Variants in RTN4RL1 observed in about 807,000 individuals in gnomAD.
RTN4RL1 encodes the protein reticulon 4 receptor like 1.
In RTN4RL1, 7 loss-of-function variants were observed where a neutral mutation model predicts 25.6. That is an observed-to-expected ratio of 0.27 (90% CI 0.16 to 0.51). The LOEUF (loss-of-function observed/expected upper bound fraction) is 0.51. Ranked by LOEUF, RTN4RL1 falls within the 20% of genes least tolerant of loss-of-function variation. RTN4RL1 has a pLI of 0.97. For missense variants in RTN4RL1, 500 were observed against 615.6 expected (o/e 0.81, Z 1.99); for synonymous variants, 297 against 288.2 (o/e 1.03, Z -0.31).
chr17:2,009,217 T>TG (rs2067025180), intron 1 of RTN4RL1, among the ~76,000 whole-genome samples: 1 of 152,148 alleles, frequency 6.6e-6, no homozygotes, highest in South Asian at 2.1e-4. Context: ...CCCAGCACTT[T>TG]GGGAGGCCGA....
At chr17:1,949,019 T>C (rs1241003120) in intron 1 of RTN4RL1, among the ~76,000 whole-genome samples, 2 of 151,114 alleles carry the variant, frequency 1.3e-5, no homozygotes, top group Non-Finnish European at 3.0e-5. Context: ...TGCAGTGGCA[T>C]GATCTCGGCT....
intron 1 of RTN4RL1, among the ~76,000 whole-genome samples, chr17:1,975,948 T>G (rs2066841035): frequency 6.6e-6 from 1 of 152,218 alleles, no homozygotes; most frequent in African/African-American, 2.4e-5. Context: ...TACAAATACT[T>G]GGGAGCCGTG....
chr17:1,974,984 C>T (rs2066836669), intron 1 of RTN4RL1, among the ~76,000 whole-genome samples: 1 of 152,184 alleles, frequency 6.6e-6, no homozygotes, highest in Non-Finnish European at 1.5e-5. Flanking sequence ...AGCATTTAGC[C>T]CTTCCACTAC....
At chr17:1,978,795 T>C (rs1433849824) in intron 1 of RTN4RL1, among the ~76,000 whole-genome samples, 3 of 152,210 alleles carry the variant, frequency 2.0e-5, no homozygotes, top group Admixed American at 6.5e-5. Flanking sequence ...CCAGAGTTGC[T>C]GCAGAGAATC....
At chr17:2,005,949 G>A (rs1255365349) in intron 1 of RTN4RL1, among the ~76,000 whole-genome samples, 3 of 149,634 alleles carry the variant, frequency 2.0e-5, no homozygotes, top group South Asian at 2.1e-4. Flanking sequence ...GGTGCATGCC[G>A]CCACGCCCGC....
intron 1 of RTN4RL1, among the ~76,000 whole-genome samples, chr17:1,971,076 G>A (rs901238008): frequency 6.6e-6 from 1 of 152,216 alleles, no homozygotes; most frequent in East Asian, 1.9e-4. Flanking sequence ...ATGCTACTCA[G>A]TATGGTTTGG....
intron 1 of RTN4RL1, among the ~76,000 whole-genome samples, chr17:1,973,188 C>T (rs1382353723): frequency 1.3e-5 from 2 of 151,878 alleles, no homozygotes; most frequent in Admixed American, 6.6e-5. Context: ...CATGGCAAAA[C>T]CCCGTCTCTA....
In RTN4RL1 at chr17:1,937,303, G is replaced by A. The variant is rs372722789; in HGVS notation, c.519C>T (p.Val173=). 5.6e-6 allele frequency: 9 copies of A among 1,613,218 alleles called. No individual in the cohort carries two copies. In the African/African-American group the frequency reaches 1.2e-4, roughly 22 times the overall value. Residue 173 remains valine, a synonymous_variant, in exon 2 of 2, where the codon GTC becomes GTT. Coordinates refer to ENST00000331238, the MANE Select transcript of RTN4RL1 (RefSeq NM_178568.4). ...CGTGGAGAAACAGGTGGCTGAGGTT[G>A]ACCAGGTCCACGAAGATGTCGTCCT... ...YLQDDIFVDL[V]NLSHLFLHGN...
chr17:2,024,986 G>C lies in RTN4RL1; in HGVS notation c.-121C>G. The C allele has an allele frequency of 1.8e-6, 2 of 1,111,824 alleles. No homozygotes were observed. Among genetic ancestry groups the C allele is most frequent in the Non-Finnish European group, 2.6e-6 (2 of 780,006 alleles). The allele number at this position is 1,111,824 out of a possible 1,614,324, so 68.9% of individuals were successfully genotyped here. Reference sequence around the variant, plus strand: ...GCGCGTCGAGGCGGGGGCAAGCCGGGGATCCGCTCGTGCCCGGTGGCCCGG... The same window carrying C: ...GCGCGTCGAGGCGGGGGCAAGCCGGCGATCCGCTCGTGCCCGGTGGCCCGG... On this transcript the variant is annotated 5_prime_UTR_variant, in exon 1 of 2. Coordinates refer to ENST00000331238, the MANE Select transcript of RTN4RL1 (RefSeq NM_178568.4).
chr17:1,959,183 G>A (rs529826341), intron 1 of RTN4RL1, among the ~76,000 whole-genome samples: 1 of 152,354 alleles, frequency 6.6e-6, no homozygotes, highest in South Asian at 2.1e-4. Context: ...ACTCTGGGCA[G>A]TCTATGGCAC....
At chr17:1,986,058 A>G (rs2066885993) in intron 1 of RTN4RL1, among the ~76,000 whole-genome samples, 1 of 152,054 alleles carries the variant, frequency 6.6e-6, no homozygotes, top group Non-Finnish European at 1.5e-5. Flanking sequence ...CAAGACACGA[A>G]CCACCTCTCT....
At chr17:1,980,598 T>A (rs1373980021) in intron 1 of RTN4RL1, among the ~76,000 whole-genome samples, 1 of 152,040 alleles carries the variant, frequency 6.6e-6, no homozygotes, top group Non-Finnish European at 1.5e-5. Flanking sequence ...ATATTACTTT[T>A]ATAGTAAAAA....
At chr17:1,948,563 AGACACAGGCAGACAGGCG>A (rs1487484908) in intron 1 of RTN4RL1, among the ~76,000 whole-genome samples, 1 of 152,166 alleles carries the variant, frequency 6.6e-6, no homozygotes, top group African/African-American at 2.4e-5. Flanking sequence ...GCAGACAGGC[AGACACAGGCAGACAGGCG>A]GACACAGGCG....
chr17:1,983,207 G>A (rs986696933), intron 1 of RTN4RL1, among the ~76,000 whole-genome samples: 3 of 151,992 alleles, frequency 2.0e-5, no homozygotes, highest in South Asian at 2.1e-4. Context: ...CACCACACCC[G>A]GCTAATTTTT....
intron 1 of RTN4RL1, among the ~76,000 whole-genome samples, chr17:1,939,140 C>A (rs1280099065): frequency 6.6e-6 from 1 of 151,966 alleles, no homozygotes; most frequent in Admixed American, 6.6e-5. Flanking sequence ...ATCACGAGGT[C>A]AGGAGATCGA....
chr17:2,011,553 G>A (rs888680622), intron 1 of RTN4RL1, among the ~76,000 whole-genome samples: 2 of 152,196 alleles, frequency 1.3e-5, no homozygotes, highest in Non-Finnish European at 2.9e-5. Flanking sequence ...AGGAGCTGGC[G>A]GGGTGGAGGG....
At chr17:1,997,181 G>A (rs550727076) in intron 1 of RTN4RL1, among the ~76,000 whole-genome samples, 47 of 152,266 alleles carry the variant, frequency 3.1e-4, no homozygotes, top group African/African-American at 1.0e-3. Flanking sequence ...CTCCTCCGTG[G>A]CCCACGAGAC....
intron 1 of RTN4RL1, among the ~76,000 whole-genome samples, chr17:1,947,108 T>C (rs934454945): frequency 4.0e-5 from 6 of 150,814 alleles, no homozygotes; most frequent in East Asian, 2.0e-4. Context: ...AATGTGTGTG[T>C]GCGCACGGGG....
intron 1 of RTN4RL1, among the ~76,000 whole-genome samples, chr17:1,939,694 C>T (rs1313276939): frequency 6.6e-6 from 1 of 152,194 alleles, no homozygotes; most frequent in Admixed American, 6.5e-5. Context: ...AGCCTGTGGT[C>T]GGATAATAGC....
Sources: allele counts gnomAD v4.1 joint callset (sites outside exome capture counted in the v4.1 genomes callset), GRCh38; gene constraint gnomAD v4.1.1; transcripts MANE v1.5; gene names NCBI Gene and HGNC (gene_info 2026-07-23, HGNC 2026-07-21).